The following KALRN variants were observed in gnomAD, a reference collection of about 807,000 sequenced individuals.
The protein encoded by KALRN is kalirin.
A neutral mutation model predicts 353.7 loss-of-function variants in KALRN; 70 were observed. That is an observed-to-expected ratio of 0.20 (90% confidence interval 0.16 to 0.24). The LOEUF (loss-of-function observed/expected upper bound fraction) is 0.24. Among genes scored for constraint, KALRN ranks in the 10% least tolerant of loss-of-function variants. The probability of loss-of-function intolerance (pLI) is 1.00; values close to 1 mark genes in which losing one functional copy is unlikely to be tolerated. For synonymous variants in KALRN, 1,391 were observed against 1,434.8 expected, an observed-to-expected ratio of 0.97 and a Z score of 0.69; for missense variants, 2,791 against 3,756.7, an observed-to-expected ratio of 0.74 and a Z score of 6.72.
chr3:124,128,321 G>T (rs1033576835), intron 1 of KALRN, among the ~76,000 whole-genome samples: 2 of 152,184 alleles, frequency 1.3e-5, no homozygotes, highest in Non-Finnish European at 2.9e-5. Context: ...ATGCTTGTTT[G>T]TCTGGTGGCC....
At chr3:124,713,800 C>G (rs957971409) in intron 58 of KALRN, among the ~76,000 whole-genome samples, 3 of 152,132 alleles carry the variant, frequency 2.0e-5, no homozygotes, top group Non-Finnish European at 4.4e-5. Flanking sequence ...GAAATGTGAT[C>G]AGATTGGTGC....
chr3:124,120,863 AGGT>A (rs1159442640), intron 1 of KALRN, among the ~76,000 whole-genome samples: 1 of 150,994 alleles, frequency 6.6e-6, no homozygotes, highest in Non-Finnish European at 1.5e-5. Context: ...AGGCCAAGGC[AGGT>A]GGATCACTTG....
intron 15 of KALRN, among the ~76,000 whole-genome samples, chr3:124,427,328 T>C (rs919264596): frequency 1.8e-4 from 28 of 152,236 alleles, no homozygotes; most frequent in African/African-American, 6.8e-4. Flanking sequence ...TATGACAGGC[T>C]CCCTGCTACC....
At chr3:124,036,353 A>G (rs114915954) in intron 1 of KALRN, among the ~76,000 whole-genome samples, 2,978 of 152,054 alleles carry the variant, frequency 0.02, 91 homozygotes, top group African/African-American at 0.067. Context: ...TGCTTAAGAT[A>G]ACAGCCTCCA....
intron 33 of KALRN, chr3:124,519,780 T>G (rs1330390670): frequency 1.0e-6 from 1 of 985,278 alleles, no homozygotes; most frequent in African/African-American, 1.7e-5. Context: ...TTTGCATGAC[T>G]GAGAATTGCT....
chr3:124,140,783 C>G (rs949750902), intron 1 of KALRN, among the ~76,000 whole-genome samples: 7 of 151,850 alleles, frequency 4.6e-5, no homozygotes, highest in Admixed American at 3.9e-4. Flanking sequence ...AAAGCAGCAG[C>G]CTTGCCCTCC....
chr3:124,649,921 C>T (rs1373057338), intron 37 of KALRN, among the ~76,000 whole-genome samples: 1 of 150,676 alleles, frequency 6.6e-6, no homozygotes, highest in East Asian at 1.9e-4. Flanking sequence ...CCCAGGAGTT[C>T]AAGACCAGCC....
intron 13 of KALRN, among the ~76,000 whole-genome samples, chr3:124,401,365 T>C (rs897914808): frequency 1.3e-5 from 2 of 151,734 alleles, no homozygotes; most frequent in Non-Finnish European, 2.9e-5. Flanking sequence ...AAAAACCGAG[T>C]GTGGTGGTGA....
intron 37 of KALRN, among the ~76,000 whole-genome samples, chr3:124,643,311 CCT>C (rs2082316961): frequency 6.6e-6 from 1 of 151,996 alleles, no homozygotes; most frequent in Admixed American, 6.6e-5. Context: ...CCATGCCCAG[CCT>C]CCACAAAATT....
At chr3:124,293,134 A>G (rs1485529836) in intron 5 of KALRN, among the ~76,000 whole-genome samples, 1 of 152,214 alleles carries the variant, frequency 6.6e-6, no homozygotes, top group Non-Finnish European at 1.5e-5. Flanking sequence ...TTATGGATGC[A>G]CCACTGTAGT....
chr3:124,542,597 G>A (rs1293952106), intron 33 of KALRN, among the ~76,000 whole-genome samples: 1 of 152,130 alleles, frequency 6.6e-6, no homozygotes, highest in African/African-American at 2.4e-5. Flanking sequence ...AGAGCTCAAG[G>A]TTGTTACCCT....
intron 34 of KALRN, among the ~76,000 whole-genome samples, chr3:124,563,792 A>T (rs1372607503): frequency 6.6e-6 from 1 of 152,174 alleles, no homozygotes; most frequent in Non-Finnish European, 1.5e-5. Flanking sequence ...GGAACCTGTT[A>T]GAAATGCAGG....
chr3:124,593,428 G>A (rs765049104), intron 34 of KALRN, among the ~76,000 whole-genome samples: 2 of 152,146 alleles, frequency 1.3e-5, no homozygotes, highest in Non-Finnish European at 2.9e-5. Context: ...ATGGGCTCTA[G>A]CAGTCTGTGT....
chr3:124,152,547 T>TTTTTCTTTTC lies in KALRN; in HGVS notation c.74-75419_74-75410dup, dbSNP rs71142775. 3.9e-4 allele frequency: 169 copies of TTTTTCTTTTC among 435,830 alleles called. 4 individuals carry two copies. The highest frequency in any genetic ancestry group is 3.0e-3 in the African/African-American group (112 of 36,788). The allele number at this position is 435,830 out of a possible 1,614,324, so 27.0% of individuals were successfully genotyped here. ...TACAGTGCTTTTCTTTTTCTTTTTC[T>TTTTTCTTTTC]TTTTCTTTTCTTTTCTTTTCTTTTC... On this transcript the variant is annotated intron_variant, in intron 1 of 59. Coordinates refer to ENST00000682506, the MANE Select transcript of KALRN (RefSeq NM_001388419.1).
chr3:124,550,849 C>G (rs557942550), intron 33 of KALRN, among the ~76,000 whole-genome samples: 12 of 152,044 alleles, frequency 7.9e-5, no homozygotes, highest in South Asian at 6.3e-4. Context: ...ATTAGCCGGG[C>G]GTGGTGGTGG....
intron 5 of KALRN, among the ~76,000 whole-genome samples, chr3:124,297,944 T>A (rs2076975192): frequency 6.6e-6 from 1 of 152,220 alleles, no homozygotes; most frequent in Non-Finnish European, 1.5e-5. Context: ...ACTAAATAAC[T>A]AGGATTCTGT....
chr3:124,705,056 A>G (rs2062532517), intron 57 of KALRN, among the ~76,000 whole-genome samples: 1 of 152,210 alleles, frequency 6.6e-6, no homozygotes, highest in Non-Finnish European at 1.5e-5. Context: ...CATAGAAGGA[A>G]AGGGCACTTG....
chr3:124,429,251 A>G (rs1397454983), intron 15 of KALRN, among the ~76,000 whole-genome samples: 1 of 152,214 alleles, frequency 6.6e-6, no homozygotes, highest in Non-Finnish European at 1.5e-5. Flanking sequence ...GCCTAGCTTC[A>G]GTGGGATTTA....
intron 1 of KALRN, among the ~76,000 whole-genome samples, chr3:124,196,587 C>T (rs2075454820): frequency 6.6e-6 from 1 of 152,150 alleles, no homozygotes; most frequent in South Asian, 2.1e-4. Context: ...TCCTATTCTT[C>T]TTGGCTACTT....
Sources: allele counts gnomAD v4.1 joint callset (sites outside exome capture counted in the v4.1 genomes callset), GRCh38; gene constraint gnomAD v4.1.1; transcripts MANE v1.5; gene names NCBI Gene and HGNC (gene_info 2026-07-23, HGNC 2026-07-21).